ADGRL2: variants seen among roughly 807,000 people sequenced by gnomAD.
ADGRL2 encodes the protein adhesion G protein-coupled receptor L2.
In ADGRL2, 44 loss-of-function variants were observed where a neutral mutation model predicts 157.4. The ratio of observed to expected loss-of-function variants is 0.28; its 90% CI spans 0.22 to 0.36. The LOEUF (loss-of-function observed/expected upper bound fraction) is 0.36. Among genes scored for constraint, ADGRL2 ranks in the 10% least tolerant of loss-of-function variants. The pLI, the probability that ADGRL2 is intolerant of heterozygous loss-of-function variation, is 1.00. For synonymous variants in ADGRL2, 585 were observed against 624.7 expected (o/e 0.94, Z 0.95); for missense variants, 1,510 against 1,768.9 (o/e 0.85, Z 2.63).
intron 2 of ADGRL2, among the ~76,000 whole-genome samples, chr1:81,764,171 G>C (rs1355813896): frequency 5.5e-5 from 7 of 127,614 alleles, no homozygotes; most frequent in African/African-American, 2.1e-4. Flanking sequence ...CAGCTTGGGT[G>C]ACAGAGCGAG....
At chr1:81,568,059 C>T (rs535890140) in intron 2 of ADGRL2, among the ~76,000 whole-genome samples, 4 of 149,716 alleles carry the variant, frequency 2.7e-5, no homozygotes, top group Non-Finnish European at 4.5e-5. Context: ...ACAATGGCTT[C>T]GAAAAAAAAA....
chr1:81,758,491 T>C (rs1248999858), intron 1 of ADGRL2, among the ~76,000 whole-genome samples: 1 of 152,196 alleles, frequency 6.6e-6, no homozygotes, highest in Admixed American at 6.5e-5. Flanking sequence ...TCATTTAGTC[T>C]GTTTCTCCAG....
Position 81,380,799 on chromosome 1 carries a change from G to T in ADGRL2, c.-301-64237G>T, listed in dbSNP as rs78789239. ...GTATTTGGTGGTGGTGGTGGTAGTG[G>T]TTTCAAATTTACTTTGATAATCTTA... On this transcript the variant is annotated intron_variant, in intron 1 of 24. Coordinates refer to the ADGRL2 transcript ENST00000370721. Among the ~76,000 whole-genome samples, 1,131 of 151,880 alleles carry T rather than the reference G, an allele frequency of 7.4e-3. 24 individuals are homozygous for T. The highest frequency in any genetic ancestry group is 0.065 in the East Asian group (335 of 5,164).
chr1:81,641,431 C>T (rs2082216660), intron 3 of ADGRL2, among the ~76,000 whole-genome samples: 1 of 152,158 alleles, frequency 6.6e-6, no homozygotes, highest in Admixed American at 6.5e-5. Context: ...GGTCATAAAA[C>T]AGACCTTAAC....
chr1:81,426,502 T>A, intron 1 of ADGRL2: 1 of 403,310 alleles, frequency 2.5e-6, no homozygotes, highest in South Asian at 1.9e-5. Flanking sequence ...CAATTCCAGC[T>A]GTGACCGTCA....
intron 2 of ADGRL2, among the ~76,000 whole-genome samples, chr1:81,483,782 A>G (rs1344054128): frequency 6.6e-6 from 1 of 152,168 alleles, no homozygotes; most frequent in Non-Finnish European, 1.5e-5. Flanking sequence ...TTCCTTTCAT[A>G]AAACTTTTAA....
intron 2 of ADGRL2, among the ~76,000 whole-genome samples, chr1:81,781,805 G>A (rs376591702): frequency 5.9e-5 from 9 of 152,282 alleles, no homozygotes; most frequent in African/African-American, 2.2e-4. Flanking sequence ...TGCCAGCATT[G>A]AAAGACACAA....
intron 2 of ADGRL2, among the ~76,000 whole-genome samples, chr1:81,559,917 T>G (rs909107354): frequency 6.6e-6 from 1 of 152,204 alleles, no homozygotes; most frequent in Admixed American, 6.5e-5. Context: ...ATACTCTACC[T>G]TTGGACTTAA....
chr1:81,427,025 T>C (rs2077229721), intron 1 of ADGRL2: 8 of 1,070,276 alleles, frequency 7.5e-6, no homozygotes, highest in Admixed American at 6.8e-5. Flanking sequence ...CCACAGTTGA[T>C]AACATTGTTA....
At chr1:81,896,230 C>T (rs1312758477) in intron 2 of ADGRL2, among the ~76,000 whole-genome samples, 1 of 152,104 alleles carries the variant, frequency 6.6e-6, no homozygotes, top group Non-Finnish European at 1.5e-5. Flanking sequence ...TTTTAATTTG[C>T]TAGGACAATG....
chr1:81,910,958 G>A (rs553380862), intron 3 of ADGRL2, among the ~76,000 whole-genome samples: 2 of 151,460 alleles, frequency 1.3e-5, no homozygotes, highest in Admixed American at 1.3e-4. Flanking sequence ...TGATAGAGAT[G>A]GGCATAGAAA....
intron 2 of ADGRL2, among the ~76,000 whole-genome samples, chr1:81,466,201 C>G (rs2101836530): frequency 6.6e-6 from 1 of 152,304 alleles, no homozygotes; most frequent in Non-Finnish European, 1.5e-5. Flanking sequence ...GTGCAAGGGT[C>G]TGGTTTTAAT....
intron 1 of ADGRL2, chr1:81,414,504 A>G (rs10782758): frequency 0.22 from 34,017 of 152,322 alleles, 4,145 homozygotes; most frequent in African/African-American, 0.3. Flanking sequence ...CATTACTATC[A>G]GCAGCTCTCT....
chr1:81,938,161 G>T (rs942953312), intron 4 of ADGRL2, among the ~76,000 whole-genome samples: 1 of 151,714 alleles, frequency 6.6e-6, no homozygotes, highest in Non-Finnish European at 1.5e-5. Context: ...TGTAGTGTTG[G>T]TGGCTTACGT....
intron 1 of ADGRL2, among the ~76,000 whole-genome samples, chr1:81,310,414 T>C (rs918409995): frequency 3.9e-5 from 6 of 152,178 alleles, no homozygotes; most frequent in African/African-American, 9.6e-5. Flanking sequence ...ATATCAGATA[T>C]CTAATATAAA....
chr1:81,627,979 A>T (rs1180774630), intron 3 of ADGRL2, among the ~76,000 whole-genome samples: 1 of 152,180 alleles, frequency 6.6e-6, no homozygotes, highest in Non-Finnish European at 1.5e-5. Context: ...CTGAAGAGCC[A>T]GGCTTATAGT....
chr1:81,639,696 A>G (rs952005080), intron 3 of ADGRL2, among the ~76,000 whole-genome samples: 1 of 152,164 alleles, frequency 6.6e-6, no homozygotes, highest in Admixed American at 6.5e-5. Context: ...AAAGGGGTCT[A>G]TTTTTTCCAA....
intron 3 of ADGRL2, among the ~76,000 whole-genome samples, chr1:81,907,670 A>G (rs933275755): frequency 2.6e-5 from 4 of 152,104 alleles, no homozygotes; most frequent in African/African-American, 9.7e-5. Context: ...AAAATCAAGT[A>G]GAAAGTACAG....
At chr1:81,668,988 T>G (rs565706297) in intron 3 of ADGRL2, among the ~76,000 whole-genome samples, 1 of 152,144 alleles carries the variant, frequency 6.6e-6, no homozygotes, top group Non-Finnish European at 1.5e-5. Flanking sequence ...CATTATTACA[T>G]TCTTTTAGTT....
Sources: allele counts gnomAD v4.1 joint callset (sites outside exome capture counted in the v4.1 genomes callset), GRCh38; gene constraint gnomAD v4.1.1; transcripts MANE v1.5; gene names NCBI Gene and HGNC (gene_info 2026-07-23, HGNC 2026-07-21).